Variants in NDUFA11 observed in about 807,000 individuals in gnomAD.
NDUFA11 encodes NADH dehydrogenase [ubiquinone] 1 alpha subcomplex subunit 11.
NDUFA11 carries 14 observed loss-of-function variants against 11.3 expected under a neutral mutation model. The ratio of observed to expected loss-of-function variants is 1.24; its 90% CI spans 0.82 to 1.94. The LOEUF (loss-of-function observed/expected upper bound fraction) is 1.94, where lower values mean the gene tolerates loss of function less well. Ranked by LOEUF, NDUFA11 falls within the 30% of genes most tolerant of loss-of-function variation. The pLI, the probability that NDUFA11 is intolerant of heterozygous loss-of-function variation, is 0.00. For missense variants in NDUFA11, 204 were observed against 200.3 expected (o/e 1.02, Z -0.11); for synonymous variants, 87 against 85.6 (o/e 1.02, Z -0.09).
At position 5,896,549 on chromosome 19, in the gene NDUFA11, T is replaced by C. The variant is rs1286646019; in HGVS notation, c.217A>G (p.Thr73Ala). Residue 73 changes from threonine to alanine, a missense_variant, in exon 3 of 4, where the codon ACC becomes GCC. Thr to Ala is a moderately conservative substitution (Grantham distance 58, BLOSUM62 0). Transcript: ENST00000308961. This position sits in a 1 kb window ranked among gnomAD's most constrained non-coding sequence, Gnocchi z 5.8. ...AAAVGAVFGL[T>A]TCISAHVREK... ...CGGACATGGGCGCTGATGCAGGTGG[T>C]GAGGCCAAACACGGCCCCGACAGCA... 6.4e-7 allele frequency: 1 copy of C among 1,568,054 alleles called. No individual in the cohort carries two copies. The highest frequency in any genetic ancestry group is 1.9e-5 in the Admixed American group (1 of 52,514).
intron 1 of NDUFA11, 112 bp downstream of exon 1, chr19:5,903,500 C>T: frequency 9.6e-7 from 1 of 1,037,136 alleles, no homozygotes. Flanking sequence ...CGATGACAAC[C>T]ACGTGCGTAC....
chr19:5,903,181 C>T (rs1037456329), intron 1 of NDUFA11, among the ~76,000 whole-genome samples: 3 of 151,944 alleles, frequency 2.0e-5, no homozygotes, highest in Non-Finnish European at 1.5e-5. Context: ...ACAGAAAGAC[C>T]TCATCCCACC....
intron 1 of NDUFA11, 36 bp from the exon 2 acceptor site, chr19:5,897,033 C>A: frequency 6.4e-7 from 1 of 1,562,258 alleles, no homozygotes; most frequent in East Asian, 2.2e-5. Flanking sequence ...TCAGACCCCA[C>A]TGCTGCTAAG....
chr19:5,894,727 C>T lies in NDUFA11; in HGVS notation c.*15G>A, dbSNP rs762209658. The T allele has an allele frequency of 4.3e-5, 70 of 1,611,046 alleles. No individual in the cohort carries two copies. The highest frequency in any genetic ancestry group is 1.7e-4 in the Middle Eastern group (1 of 6,056). ...GACGCATTCTGCAGGCTGGAGGTCC[C>T]GGCAGGCACAGGGCTCACACCTTGG... On this transcript the variant is annotated 3_prime_UTR_variant, in exon 4 of 4. Transcript: ENST00000308961.
Position 5,901,314 on chromosome 19 carries a change from T to C in NDUFA11, c.97+2298A>G. 2 of 1,278,048 alleles carry C rather than the reference T, an allele frequency of 1.6e-6. 1 individual carries two copies. The highest frequency in any genetic ancestry group is 1.1e-4 in the East Asian group (2 of 17,774). 79.2% of individuals were successfully genotyped at this position (1,278,048 alleles called of 1,614,324 possible). ...GGGTGGCCCCCTTCAGCCCTTTCTC[T>C]TGAAGACCCTCGATAAGGACCTGAT... is the stretch of plus-strand genomic sequence containing the variant. On this transcript the variant is annotated intron_variant, in intron 1 of 3. Coordinates refer to ENST00000308961, the MANE Select transcript of NDUFA11 (RefSeq NM_175614.5).
In NDUFA11 at chr19:5,896,635, C is replaced by G; in HGVS notation, c.191-60G>C. 1 of 1,550,874 alleles carries G rather than the reference C, an allele frequency of 6.4e-7. No individual in the cohort carries two copies. Among genetic ancestry groups the G allele is most frequent in the Non-Finnish European group, 8.7e-7 (1 of 1,147,666 alleles). The stretch of plus-strand genomic sequence containing the variant: ...ACGGGCACAGCAGGAGCCTCTTGGG[C>G]GCTCACTGCCAGTGTCTGGATGGAG... On this transcript the variant is annotated intron_variant, in intron 2 of 3. Transcript: ENST00000308961. This position sits in a 1 kb window ranked among gnomAD's most constrained non-coding sequence, Gnocchi z 5.8.
chr19:5,894,845 T>G lies in NDUFA11; in HGVS notation c.323A>C (p.Tyr108Ser). The G allele has an allele frequency of 6.2e-7, 1 of 1,607,468 alleles. No homozygotes were observed. The highest frequency in any genetic ancestry group is 1.3e-5 in the African/African-American group (1 of 74,882). ...GLTLGARTHNYGIGAAACVYF... is the reference protein window; with the variant it reads ...GLTLGARTHNSGIGAAACVYF... ...CACGCAGGCGGCGGCGCCAATCCCG[T>G]AGTTGTGCGCTGTGGGAGTGGGGAG... The change falls in exon 4 of 4, where the codon TAC (tyrosine) becomes TCC (serine). Residue 108 changes from tyrosine to serine, a missense_variant. Physicochemically the swap from Tyr to Ser is moderately radical, Grantham distance 144. Transcript: ENST00000308961.
downstream of NDUFA11, chr19:5,894,542 C>T: frequency 8.8e-7 from 1 of 1,131,752 alleles, no homozygotes; most frequent in Non-Finnish European, 1.3e-6. Context: ...AGGCTGGTAC[C>T]CTTGGCAGGG....
intron 1 of NDUFA11, among the ~76,000 whole-genome samples, chr19:5,897,671 C>T (rs1012573919): frequency 6.6e-6 from 1 of 152,238 alleles, no homozygotes; most frequent in Non-Finnish European, 1.5e-5. Flanking sequence ...CCATCTCTGC[C>T]ATTTCCCAGG....
In NDUFA11 at chr19:5,903,725, C is replaced by G; in HGVS notation, c.-17G>C. On this transcript the variant is annotated 5_prime_UTR_variant, in exon 1 of 4. Transcript: ENST00000308961. The stretch of plus-strand genomic sequence containing the variant: ...CGGCGCCATAGCCCGCAATCTCGAT[C>G]CCGCACCACGGACCCCGCCAGCTCG... 1.8e-5 allele frequency: 28 copies of G among 1,550,994 alleles called. No individual in the cohort carries two copies. The highest frequency in any genetic ancestry group is 2.4e-5 in the Non-Finnish European group (28 of 1,146,608).
At position 5,903,704 on chromosome 19, in the gene NDUFA11, G is replaced by A; in HGVS notation, c.5C>T (p.Ala2Val). ...CCAGTACTGACGAAAAACCTTCGGC[G>A]CCATAGCCCGCAATCTCGATCCCGC... M[A>V]PKVFRQYWDI... Residue 2 changes from alanine to valine, a missense_variant, in exon 1 of 4, where the codon GCG (alanine) becomes GTG (valine). Physicochemically the swap from Ala to Val is moderately conservative, Grantham distance 64 (BLOSUM62 0). Coordinates refer to ENST00000308961, the MANE Select transcript of NDUFA11 (RefSeq NM_175614.5). The A allele has an allele frequency of 1.9e-6, 3 of 1,551,456 alleles. No homozygotes were observed. Among genetic ancestry groups the A allele is most frequent in the Non-Finnish European group, 8.7e-7 (1 of 1,146,906 alleles).
At chr19:5,897,239 C>A (rs745755520) in intron 1 of NDUFA11, among the ~76,000 whole-genome samples, 1 of 152,226 alleles carries the variant, frequency 6.6e-6, no homozygotes, top group Non-Finnish European at 1.5e-5. Flanking sequence ...CTTTCTCAAG[C>A]CTGACCAGTA....
intron 1 of NDUFA11, among the ~76,000 whole-genome samples, chr19:5,898,229 C>T (rs969860367): frequency 1.3e-5 from 2 of 152,210 alleles, no homozygotes; most frequent in South Asian, 2.1e-4. Flanking sequence ...TCACCCACCA[C>T]GACTGCCCCA....
At chr19:5,900,910 C>CAAA (rs1305134254) in intron 1 of NDUFA11, among the ~76,000 whole-genome samples, 1,155 of 51,602 alleles carry the variant, frequency 0.022, 28 homozygotes, top group African/African-American at 0.076. Flanking sequence ...GACTCCGTCT[C>CAAA]AAAAAAAAAA....
At chr19:5,893,392 A>G, downstream of NDUFA11, 2 of 604,362 alleles carry the variant, frequency 3.3e-6, no homozygotes, top group Admixed American at 5.6e-5. This position sits in a 1 kb window ranked among gnomAD's most constrained non-coding sequence, Gnocchi z 4.1. Context: ...ATAAGCCAGG[A>G]AGGTCAAGGT....
chr19:5,902,473 C>T (rs2057651963), intron 1 of NDUFA11: 1 of 152,460 alleles, frequency 6.6e-6, no homozygotes, highest in African/African-American at 2.4e-5. Flanking sequence ...GCTATTTTGC[C>T]CAGGCTGGTC....
At chr19:5,901,272 T>A (rs1007476900) in intron 1 of NDUFA11, 2 of 1,244,660 alleles carry the variant, frequency 1.6e-6, no homozygotes, top group African/African-American at 3.1e-5. Flanking sequence ...CTTTCTCAGT[T>A]TCAGATCCTA....
downstream of NDUFA11, chr19:5,892,763 T>A: frequency 9.7e-7 from 1 of 1,030,056 alleles, no homozygotes; most frequent in Non-Finnish European, 1.3e-6. Flanking sequence ...TGCCCTCGAG[T>A]GGATGCGATG....
chr19:5,897,621 C>T (rs1196176276), intron 1 of NDUFA11, among the ~76,000 whole-genome samples: 6 of 152,228 alleles, frequency 3.9e-5, no homozygotes, highest in African/African-American at 9.6e-5. Context: ...TGTCTGGCTG[C>T]CGCCCCCGCC....
Sources: allele counts gnomAD v4.1 joint callset (sites outside exome capture counted in the v4.1 genomes callset), GRCh38; gene constraint gnomAD v4.1.1; non-coding constraint Gnocchi (gnomAD v3.1); transcripts MANE v1.5; gene names NCBI Gene and HGNC (gene_info 2026-07-23, HGNC 2026-07-21).